PDE10A: variants seen among roughly 807,000 people sequenced by gnomAD.
The protein encoded by PDE10A is phosphodiesterase 10A, also known as cAMP and cAMP-inhibited cGMP 3',5'-cyclic phosphodiesterase 10A.
Under a neutral mutation model 97.7 loss-of-function variants are expected in PDE10A, and 39 were observed. The observed-to-expected ratio is 0.40, with a 90% CI of 0.31 to 0.52. The LOEUF (loss-of-function observed/expected upper bound fraction) is 0.52, where lower values mean the gene tolerates loss of function less well. Among genes scored for constraint, PDE10A ranks in the 20% least tolerant of loss-of-function variants. The pLI is 0.56. For synonymous variants in PDE10A, 371 were observed against 376.8 expected, an observed-to-expected ratio of 0.98 and a Z score of 0.18; for missense variants, 731 against 1,047.8, an observed-to-expected ratio of 0.70 and a Z score of 4.17.
chr6:165,802,178 C>A (rs969233572), intron 1 of PDE10A, among the ~76,000 whole-genome samples: 7 of 152,176 alleles, frequency 4.6e-5, no homozygotes, highest in Non-Finnish European at 7.3e-5. Flanking sequence ...AAACAGCCAT[C>A]CAGCCAGTTC....
At chr6:165,576,007 C>T (rs1021515188) in intron 1 of PDE10A, among the ~76,000 whole-genome samples, 5 of 152,144 alleles carry the variant, frequency 3.3e-5, no homozygotes, top group Non-Finnish European at 7.3e-5. Flanking sequence ...TTAACTAATC[C>T]GTTAGTTTCT....
chr6:165,960,927 G>T (rs887363959), intron 1 of PDE10A, among the ~76,000 whole-genome samples: 1 of 152,180 alleles, frequency 6.6e-6, no homozygotes, highest in African/African-American at 2.4e-5. Context: ...AACGCTGCAG[G>T]CTCCATTGCT....
At chr6:165,946,430 C>A (rs907049755) in intron 1 of PDE10A, among the ~76,000 whole-genome samples, 10 of 151,090 alleles carry the variant, frequency 6.6e-5, no homozygotes, top group African/African-American at 2.2e-4. Flanking sequence ...GGAGGCGGAG[C>A]TTGCAGTGAG....
chr6:165,521,548 C>T (rs73247772), intron 2 of PDE10A, among the ~76,000 whole-genome samples: 1,581 of 152,214 alleles, frequency 0.01, 32 homozygotes, highest in African/African-American at 0.036. Context: ...ATGAGTGATA[C>T]AAAAGAGAAA....
At position 165,449,074 on chromosome 6, in the gene PDE10A, A is replaced by G. The variant is rs1335398401; in HGVS notation, c.1145-97T>C. ...TGAGAGGCAGATGTGAGTCTTTCAA[A>G]TTGATTTGTTAACAGAATCAATGGT... On this transcript the variant is annotated intron_variant, in intron 4 of 21. Coordinates refer to ENST00000539869, the MANE Select transcript of PDE10A (RefSeq NM_001385079.1). 4 of 839,704 alleles carry G rather than the reference A, an allele frequency of 4.8e-6. No individual in the cohort carries two copies. In the African/African-American group the frequency reaches 5.0e-5, roughly 11 times the overall value. The allele number at this position is 839,704 out of a possible 1,614,324, so 52.0% of individuals were successfully genotyped here. A position where few individuals can be genotyped will look rare whatever the true frequency, so the allele number is the denominator to read the frequency against.
chr6:165,783,267 G>A (rs752281160), intron 1 of PDE10A, among the ~76,000 whole-genome samples: 1 of 152,152 alleles, frequency 6.6e-6, no homozygotes, highest in Non-Finnish European at 1.5e-5. Flanking sequence ...TACAGAATAC[G>A]AATGACGATT....
intron 1 of PDE10A, among the ~76,000 whole-genome samples, chr6:165,812,447 T>C (rs531114152): frequency 6.6e-6 from 1 of 151,820 alleles, no homozygotes; most frequent in African/African-American, 2.4e-5. Flanking sequence ...AAAAAAAGTG[T>C]CCTCTCATTA....
At chr6:165,945,915 A>G (rs537797015) in intron 1 of PDE10A, among the ~76,000 whole-genome samples, 2 of 152,332 alleles carry the variant, frequency 1.3e-5, no homozygotes, top group South Asian at 4.1e-4. Context: ...CACTTTAGCA[A>G]CTGTAAAAAT....
chr6:165,918,742 T>C (rs190444922), intron 1 of PDE10A, among the ~76,000 whole-genome samples: 3 of 151,690 alleles, frequency 2.0e-5, no homozygotes, highest in Non-Finnish European at 4.4e-5. Flanking sequence ...GGACCTCATT[T>C]CTCCTGCACA....
intron 1 of PDE10A, among the ~76,000 whole-genome samples, chr6:165,719,076 A>G (rs1409406774): frequency 2.6e-5 from 4 of 152,160 alleles, no homozygotes; most frequent in Non-Finnish European, 5.9e-5. Context: ...GGAAGTATAA[A>G]ATTGAAGAAA....
At chr6:165,658,744 C>T (rs1370426495) in intron 1 of PDE10A, among the ~76,000 whole-genome samples, 2 of 152,224 alleles carry the variant, frequency 1.3e-5, no homozygotes, top group African/African-American at 2.4e-5. Context: ...TTTCCTACTC[C>T]GATGGCAACT....
intron 1 of PDE10A, among the ~76,000 whole-genome samples, chr6:165,691,586 C>T (rs997331042): frequency 2.1e-3 from 71 of 34,490 alleles, no homozygotes; most frequent in East Asian, 0.01. Flanking sequence ...CGCATGCACG[C>T]GCGCGCACAC....
chr6:165,855,751 G>A (rs990482105), intron 1 of PDE10A, among the ~76,000 whole-genome samples: 1 of 151,990 alleles, frequency 6.6e-6, no homozygotes, highest in Non-Finnish European at 1.5e-5. Flanking sequence ...AGCCCGCAAC[G>A]GGTGAGCCTT....
At chr6:165,362,943 T>C (rs1205842650) in intron 18 of PDE10A, among the ~76,000 whole-genome samples, 3 of 152,072 alleles carry the variant, frequency 2.0e-5, no homozygotes, top group Non-Finnish European at 2.9e-5. Context: ...ACCTTACTAA[T>C]AGAATAAATA....
intron 1 of PDE10A, among the ~76,000 whole-genome samples, chr6:165,868,221 AC>A (rs1781110565): frequency 6.6e-6 from 1 of 152,014 alleles, no homozygotes; most frequent in African/African-American, 2.4e-5. Flanking sequence ...GATCAACAAA[AC>A]AAAAAATTGC....
chr6:165,870,465 T>C (rs1464374223), intron 1 of PDE10A, among the ~76,000 whole-genome samples: 2 of 152,114 alleles, frequency 1.3e-5, no homozygotes, highest in African/African-American at 4.8e-5. Context: ...CAAATGTTGG[T>C]GAGGATGCAG....
chr6:165,544,698 T>C (rs573134142), intron 1 of PDE10A, among the ~76,000 whole-genome samples: 2 of 152,064 alleles, frequency 1.3e-5, no homozygotes, highest in African/African-American at 2.4e-5. Context: ...AGAGAATTCA[T>C]ATGTGTTAAT....
intron 1 of PDE10A, among the ~76,000 whole-genome samples, chr6:165,625,434 A>C (rs1190535701): frequency 6.6e-6 from 1 of 152,212 alleles, no homozygotes; most frequent in Non-Finnish European, 1.5e-5. Flanking sequence ...CTTGGACCTG[A>C]GCAAATGGAA....
chr6:165,723,971 G>A (rs1460421122), intron 1 of PDE10A, among the ~76,000 whole-genome samples: 1 of 152,154 alleles, frequency 6.6e-6, no homozygotes. Flanking sequence ...CACAGGTTAT[G>A]TAAGCGATTC....
Sources: allele counts gnomAD v4.1 joint callset (sites outside exome capture counted in the v4.1 genomes callset), GRCh38; gene constraint gnomAD v4.1.1; transcripts MANE v1.5; gene names NCBI Gene and HGNC (gene_info 2026-07-23, HGNC 2026-07-21).